CSTL1: variants seen among roughly 807,000 people sequenced by gnomAD.
CSTL1 encodes cystatin-like 1.
In CSTL1, 14 loss-of-function variants were observed where a neutral mutation model predicts 14.4. The observed-to-expected ratio is 0.97, with a 90% confidence interval of 0.64 to 1.52. The LOEUF (loss-of-function observed/expected upper bound fraction) is 1.52. CSTL1 is among the 40% of genes most tolerant of loss of function. The pLI, the probability that CSTL1 is intolerant of heterozygous loss-of-function variation, is 0.00. For missense variants in CSTL1, 170 were observed against 168.7 expected, an observed-to-expected ratio of 1.01 and a Z score of -0.04; for synonymous variants, 72 against 67.5, an observed-to-expected ratio of 1.07 and a Z score of -0.33.
the CSTL1 span, among the ~76,000 whole-genome samples, chr20:23,457,285 G>A: frequency 6.6e-6 from 1 of 152,140 alleles, no homozygotes; most frequent in Admixed American, 6.5e-5. Context: ...GCGAGGGTCA[G>A]GTAGATCACC....
At chr20:23,452,666 T>C in the CSTL1 span, 1 of 1,614,134 alleles carries the variant, frequency 6.2e-7, no homozygotes, top group Non-Finnish European at 8.5e-7. Flanking sequence ...GGTGATCCAC[T>C]GCAAGCTGTC....
At chr20:23,439,958 T>C (rs569998201) in intron 1 of CSTL1, among the ~76,000 whole-genome samples, 152 bp downstream of exon 1, 1 of 152,280 alleles carries the variant, frequency 6.6e-6, no homozygotes, top group South Asian at 2.1e-4. Context: ...GTAGGGGCTG[T>C]TCTGGGGCTT....
At chr20:23,457,673 A>G in the CSTL1 span, 1 of 152,170 alleles carries the variant, frequency 6.6e-6, no homozygotes, top group African/African-American at 2.4e-5. Flanking sequence ...ATACCATTGT[A>G]CTTGCACCAG....
At chr20:23,444,520 A>G (rs1600273133) in intron 3 of CSTL1, among the ~76,000 whole-genome samples, 1 of 152,184 alleles carries the variant, frequency 6.6e-6, no homozygotes, top group African/African-American at 2.4e-5. Context: ...CCCACATGAC[A>G]GGGTCCGGCC....
chr20:23,452,956 A>G, the CSTL1 span: 149 of 632,760 alleles, frequency 2.4e-4, 1 homozygote, highest in East Asian at 1.9e-3. Flanking sequence ...CTCCCCCTTC[A>G]TCAGCAGCTG....
chr20:23,447,841 T>A (rs1040087996), downstream of CSTL1, among the ~76,000 whole-genome samples: 3 of 152,278 alleles, frequency 2.0e-5, no homozygotes, highest in African/African-American at 7.2e-5. Context: ...TTAGCTATTT[T>A]TTGCTCAAGA....
the CSTL1 span, among the ~76,000 whole-genome samples, chr20:23,461,168 G>C: frequency 6.6e-6 from 1 of 152,184 alleles, no homozygotes; most frequent in Non-Finnish European, 1.5e-5. Flanking sequence ...TGAAGGCACA[G>C]ATTGTTAGCA....
the CSTL1 span, chr20:23,452,945 C>G: frequency 1.5e-6 from 1 of 651,016 alleles, no homozygotes; most frequent in African/African-American, 1.8e-5. Flanking sequence ...CTCTCCTCCT[C>G]CTCCCCCTTC....
At chr20:23,451,945 G>A in the CSTL1 span, 2 of 1,554,694 alleles carry the variant, frequency 1.3e-6, no homozygotes, top group African/African-American at 1.4e-5. Flanking sequence ...CGTGGGGGAG[G>A]CACAGCTTGT....
chr20:23,458,409 A>G, the CSTL1 span: 1 of 152,208 alleles, frequency 6.6e-6, no homozygotes, highest in South Asian at 2.1e-4. Flanking sequence ...GTGGCTTTGT[A>G]AGTTTTCAGA....
downstream of CSTL1, among the ~76,000 whole-genome samples, chr20:23,446,877 A>C (rs1027483843): frequency 5.3e-5 from 8 of 152,218 alleles, no homozygotes; most frequent in Non-Finnish European, 8.8e-5. Context: ...CAAGAACCTC[A>C]AACTTGACAG....
At position 23,440,227 on chromosome 20, in the gene CSTL1, T is replaced by A; in HGVS notation, c.-41T>A. On this transcript the variant is annotated 5_prime_UTR_variant, in exon 2 of 4. Coordinates refer to ENST00000347397, the MANE Select transcript of CSTL1 (RefSeq NM_138283.1). ...ACTGCAGCCTGGCACCACCACACCC[T>A]GGAAGGTGCAGTTGGGAAGAAAGTT... is the stretch of plus-strand genomic sequence containing the variant. The A allele has an allele frequency of 2.5e-6, 4 of 1,603,568 alleles. No individual in the cohort carries two copies. The highest frequency in any genetic ancestry group is 3.4e-6 in the Non-Finnish European group (4 of 1,171,826).
the CSTL1 span, among the ~76,000 whole-genome samples, chr20:23,458,005 C>T: frequency 1.3e-5 from 2 of 152,178 alleles, no homozygotes; most frequent in South Asian, 4.1e-4. Flanking sequence ...CAGTTCCACA[C>T]TCCATCCCCT....
At chr20:23,460,272 C>T in the CSTL1 span, among the ~76,000 whole-genome samples, 1 of 152,186 alleles carries the variant, frequency 6.6e-6, no homozygotes, top group African/African-American at 2.4e-5. Context: ...CCAGGGTTCT[C>T]TTGTAAGCCT....
At chr20:23,448,242 T>C (rs1987005713), downstream of CSTL1, among the ~76,000 whole-genome samples, 1 of 152,100 alleles carries the variant, frequency 6.6e-6, no homozygotes. Context: ...TTTATGGCAT[T>C]ACTTTGAATT....
At chr20:23,440,035 T>C in intron 1 of CSTL1, 109 bp from the exon 2 acceptor site, 1 of 545,184 alleles carries the variant, frequency 1.8e-6, no homozygotes, top group South Asian at 2.1e-5. Flanking sequence ...TTAAAAATTT[T>C]GCTTGCCTGG....
Position 23,440,210 on chromosome 20 carries a change from C to T in CSTL1, c.-58C>T. ...GATGGGAGAATGAGTGAACTGCAGC[C>T]TGGCACCACCACACCCTGGAAGGTG... On this transcript the variant is annotated 5_prime_UTR_variant, in exon 2 of 4. Transcript: ENST00000347397. 6.4e-7 allele frequency: 1 copy of T among 1,570,840 alleles called. No homozygotes were observed.
At chr20:23,449,586 T>C (rs999477091), downstream of CSTL1, among the ~76,000 whole-genome samples, 2 of 152,116 alleles carry the variant, frequency 1.3e-5, no homozygotes, top group South Asian at 4.1e-4. Flanking sequence ...TGCAACCACA[T>C]GGAGGAGGAA....
rs151114691 is a variant in CSTL1, at chr20:23,444,007, A to T, written c.293A>T (p.Asn98Ile). Residue 98 changes from asparagine (N) to isoleucine (I), a missense_variant, in exon 3 of 4, where the codon AAT becomes ATT. Asn to Ile is a moderately radical substitution (Grantham distance 149, BLOSUM62 -3). Transcript: ENST00000347397. ...WTKCKRNDTS[N>I]SSCPLQSKKL... ...AAATGCAAGAGGAATGACACGAGCA[A>T]TTCTTCCTGCCCCCTGCAAAGCAAG... 2 of 1,614,168 alleles carry T rather than the reference A, an allele frequency of 1.2e-6. No homozygotes were observed. Among genetic ancestry groups the T allele is most frequent in the South Asian group, 2.2e-5 (2 of 91,084 alleles).
Sources: gnomAD v4.1 joint callset for allele counts (sites outside exome capture counted in the v4.1 genomes callset) on GRCh38, gnomAD v4.1.1 for gene constraint, MANE v1.5 for transcripts, NCBI Gene and HGNC (gene_info 2026-07-23, HGNC 2026-07-21) for gene names.